Variants in SGCZ observed in about 807,000 individuals in gnomAD.
The protein encoded by SGCZ is zeta-sarcoglycan.
SGCZ carries 40 observed loss-of-function variants against 41.3 expected under a neutral mutation model. The observed-to-expected ratio is 0.97, with a 90% CI of 0.75 to 1.26. SGCZ has a LOEUF of 1.26. Ranked by LOEUF, SGCZ falls within the 50% of genes most tolerant of loss-of-function variation. SGCZ has a pLI of 0.00. For missense variants in SGCZ, 552 were observed against 369.8 expected, an observed-to-expected ratio of 1.49 and a Z score of -4.04; for synonymous variants, 206 against 137.5, an observed-to-expected ratio of 1.50 and a Z score of -3.49.
rs188897695 is a variant in SGCZ, at chr8:14,711,127, G to C, written c.40-156201C>G. 8.5e-5 allele frequency among the ~76,000 whole-genome samples: 13 copies of C among 152,220 alleles called. No homozygotes were observed. In the East Asian group the frequency reaches 2.5e-3, roughly 29 times the overall value. ...TTACTTGTTAAGTATGCCTGACACA[G>C]CACTAGAAATAGAAGACATACTGAG... On this transcript the variant is annotated intron_variant, in intron 1 of 7. Coordinates refer to ENST00000382080, the MANE Select transcript of SGCZ (RefSeq NM_139167.4).
chr8:14,200,120 G>T (rs1805407564), intron 4 of SGCZ, among the ~76,000 whole-genome samples: 4 of 152,056 alleles, frequency 2.6e-5, no homozygotes, highest in Admixed American at 2.6e-4. Context: ...TGGATAATGG[G>T]CACTACCATA....
chr8:14,757,249 A>G (rs1202398552), intron 1 of SGCZ, among the ~76,000 whole-genome samples: 2 of 152,062 alleles, frequency 1.3e-5, no homozygotes, highest in African/African-American at 2.4e-5. Flanking sequence ...GGGTTTCACT[A>G]TGTTGGCCAG....
At chr8:14,389,243 G>T (rs2117212514) in intron 2 of SGCZ, among the ~76,000 whole-genome samples, 1 of 151,964 alleles carries the variant, frequency 6.6e-6, no homozygotes, top group South Asian at 2.1e-4. Flanking sequence ...CAAAACGACT[G>T]AGAGTATAAT....
Position 14,474,644 on chromosome 8 carries a change from A to G in SGCZ, c.234+80088T>C, listed in dbSNP as rs534438249. 2.6e-5 allele frequency among the ~76,000 whole-genome samples: 4 copies of G among 152,346 alleles called. No homozygotes were observed. The East Asian group carries it at 7.7e-4, about 29-fold the overall frequency. On this transcript the variant is annotated intron_variant, in intron 2 of 7. Coordinates refer to ENST00000382080, the MANE Select transcript of SGCZ (RefSeq NM_139167.4). Reference sequence around the variant, plus strand: ...ATACAGGTCCATTAAAATTTTTTAAAAATACTTTTCTAAATTACATATTGC... The same window carrying G: ...ATACAGGTCCATTAAAATTTTTTAAGAATACTTTTCTAAATTACATATTGC...
chr8:14,565,549 C>A (rs556185366), intron 1 of SGCZ, among the ~76,000 whole-genome samples: 1 of 152,096 alleles, frequency 6.6e-6, no homozygotes, highest in African/African-American at 2.4e-5. Flanking sequence ...ATGAGACACT[C>A]ATTGGTGAGT....
chr8:15,001,530 C>T (rs1338784479), intron 1 of SGCZ, among the ~76,000 whole-genome samples: 2 of 151,958 alleles, frequency 1.3e-5, no homozygotes, highest in Non-Finnish European at 2.9e-5. Flanking sequence ...GAGATCGAGA[C>T]CATCCTGGCT....
At chr8:14,218,110 GGTCCCCCTAGGCAGT>G (rs1273351639) in intron 4 of SGCZ, among the ~76,000 whole-genome samples, 1 of 151,982 alleles carries the variant, frequency 6.6e-6, no homozygotes, top group Admixed American at 6.6e-5. Flanking sequence ...ACTTTGAACT[GGTCCCCCTAGGCAGT>G]ATAATAAGGC....
intron 2 of SGCZ, among the ~76,000 whole-genome samples, chr8:14,344,245 A>C (rs1158351183): frequency 6.6e-6 from 1 of 152,046 alleles, no homozygotes; most frequent in South Asian, 2.1e-4. Flanking sequence ...AAAATATCTA[A>C]GCTATTTTAA....
chr8:14,696,684 C>G (rs1163168768), intron 1 of SGCZ, among the ~76,000 whole-genome samples: 1 of 151,874 alleles, frequency 6.6e-6, no homozygotes, highest in African/African-American at 2.4e-5. Context: ...TATGAATTTG[C>G]TTTTTTGAGT....
At chr8:14,139,920 G>A (rs1412524520) in intron 5 of SGCZ, among the ~76,000 whole-genome samples, 4 of 151,942 alleles carry the variant, frequency 2.6e-5, no homozygotes, top group Non-Finnish European at 2.9e-5. Flanking sequence ...GATAAACATC[G>A]ATGCAAAAAT....
chr8:14,270,521 A>G lies in SGCZ; in HGVS notation c.337-32842T>C, dbSNP rs200852966. Among the ~76,000 whole-genome samples the G allele has an allele frequency of 2.6e-5, 4 of 152,192 alleles. No homozygotes were observed. In the East Asian group the frequency reaches 7.7e-4, roughly 29 times the overall value. Reference sequence around the variant, plus strand: ...GGCCCAAGCTTCAGGCTAAACAGAAATAAGTATAAAACAATATTTCCAATT... The same window carrying G: ...GGCCCAAGCTTCAGGCTAAACAGAAGTAAGTATAAAACAATATTTCCAATT... On this transcript the variant is annotated intron_variant, in intron 3 of 7. Transcript: ENST00000382080.
intron 1 of SGCZ, among the ~76,000 whole-genome samples, chr8:14,588,920 C>G (rs943336262): frequency 6.6e-6 from 1 of 152,132 alleles, no homozygotes; most frequent in African/African-American, 2.4e-5. Flanking sequence ...CTGACTATGA[C>G]ATGGAAAATT....
At chr8:15,011,977 G>A (rs6992611) in intron 1 of SGCZ, among the ~76,000 whole-genome samples, 16,573 of 152,036 alleles carry the variant, frequency 0.11, 1,365 homozygotes, top group East Asian at 0.24. Flanking sequence ...CGTCAAAGAA[G>A]AGTAGCTCTA....
intron 1 of SGCZ, among the ~76,000 whole-genome samples, chr8:14,778,271 C>T (rs1182884059): frequency 6.6e-6 from 1 of 152,040 alleles, no homozygotes; most frequent in Non-Finnish European, 1.5e-5. Flanking sequence ...TTCAGGAGTA[C>T]AGAATTAAGG....
chr8:14,411,941 GA>G (rs1418901172), intron 2 of SGCZ, among the ~76,000 whole-genome samples: 4 of 152,084 alleles, frequency 2.6e-5, no homozygotes, highest in Non-Finnish European at 5.9e-5. Context: ...AGGCTGACAG[GA>G]AAGAGGTAAA....
chr8:14,945,868 A>G (rs1207113754), intron 1 of SGCZ, among the ~76,000 whole-genome samples: 1 of 150,274 alleles, frequency 6.7e-6, no homozygotes, highest in Non-Finnish European at 1.5e-5. Context: ...TCAGAGTTAC[A>G]TCATCAGCTT....
intron 1 of SGCZ, among the ~76,000 whole-genome samples, chr8:14,557,277 G>A (rs754835541): frequency 3.8e-5 from 5 of 132,116 alleles, no homozygotes; most frequent in Non-Finnish European, 8.2e-5. Context: ...TTTTTGATGG[G>A]GATTTTTTTT....
At chr8:14,662,400 G>A (rs527676484) in intron 1 of SGCZ, among the ~76,000 whole-genome samples, 21 of 152,224 alleles carry the variant, frequency 1.4e-4, no homozygotes, top group African/African-American at 2.4e-4. Context: ...ATGCTATCAG[G>A]AAAAAGGGAG....
chr8:15,181,002 T>G (rs1800159095), intron 1 of SGCZ, among the ~76,000 whole-genome samples: 1 of 152,172 alleles, frequency 6.6e-6, no homozygotes, highest in Non-Finnish European at 1.5e-5. Flanking sequence ...TAAATTTACA[T>G]TCATACACAT....
Sources: gnomAD v4.1 joint callset for allele counts (sites outside exome capture counted in the v4.1 genomes callset) on GRCh38, gnomAD v4.1.1 for gene constraint, MANE v1.5 for transcripts, NCBI Gene and HGNC (gene_info 2026-07-23, HGNC 2026-07-21) for gene names.